Variants in STK3 observed in about 807,000 individuals in gnomAD.
STK3 encodes the protein serine/threonine-protein kinase 3.
A neutral mutation model predicts 58.0 loss-of-function variants in STK3; 41 were observed. That is an observed-to-expected ratio of 0.71 (90% CI 0.55 to 0.92). The LOEUF is 0.92. Ranked by LOEUF, STK3 falls within the 40% of genes least tolerant of loss-of-function variation. The pLI is 0.00. For synonymous variants in STK3, 170 were observed against 191.0 expected, an observed-to-expected ratio of 0.89 and a Z score of 0.91; for missense variants, 479 against 602.7, an observed-to-expected ratio of 0.79 and a Z score of 2.15.
intron 10 of STK3, among the ~76,000 whole-genome samples, chr8:98,515,286 G>A (rs533980329): frequency 6.6e-6 from 1 of 152,164 alleles, no homozygotes; most frequent in South Asian, 2.1e-4. Context: ...AGAAGCCTCA[G>A]CTTGGCAGTT....
intron 6 of STK3, among the ~76,000 whole-genome samples, chr8:98,603,990 T>C (rs537177599): frequency 6.6e-6 from 1 of 152,264 alleles, no homozygotes; most frequent in African/African-American, 2.4e-5. Flanking sequence ...AGGCCAAATG[T>C]AATCAGAAGG....
intron 3 of STK3, among the ~76,000 whole-genome samples, chr8:98,419,224 G>A (rs746192648): frequency 5.9e-5 from 9 of 152,192 alleles, no homozygotes; most frequent in Non-Finnish European, 2.9e-5. Flanking sequence ...AGCTGGGCGT[G>A]GTGGTGGGCA....
intron 3 of STK3, among the ~76,000 whole-genome samples, chr8:98,851,505 C>A (rs1390483944): frequency 6.6e-6 from 1 of 152,146 alleles, no homozygotes; most frequent in Non-Finnish European, 1.5e-5. Context: ...TTAATGTAAT[C>A]AACAATTAGC....
At chr8:98,485,122 T>A (rs1350566640) in intron 10 of STK3, among the ~76,000 whole-genome samples, 1 of 151,854 alleles carries the variant, frequency 6.6e-6, no homozygotes, top group Non-Finnish European at 1.5e-5. Context: ...ACACCTATAA[T>A]CCCAGCCACT....
chr8:98,811,725 A>T (rs2131679729), intron 1 of STK3, among the ~76,000 whole-genome samples: 1 of 152,338 alleles, frequency 6.6e-6, no homozygotes, highest in Non-Finnish European at 1.5e-5. Context: ...TTTCTAAATT[A>T]TACATTGAGG....
At chr8:98,552,470 C>T (rs1169316635) in intron 8 of STK3, among the ~76,000 whole-genome samples, 1 of 152,126 alleles carries the variant, frequency 6.6e-6, no homozygotes, top group Non-Finnish European at 1.5e-5. Context: ...GCTCACCAAG[C>T]TCTAACCAAG....
At chr8:98,695,379 T>C (rs901447297) in intron 6 of STK3, among the ~76,000 whole-genome samples, 9 of 152,318 alleles carry the variant, frequency 5.9e-5, no homozygotes, top group Non-Finnish European at 1.3e-4. Flanking sequence ...TTTTGGCTTT[T>C]GTTGCCATTG....
chr8:98,422,038 C>A (rs909178263), intron 3 of STK3, among the ~76,000 whole-genome samples: 2 of 152,120 alleles, frequency 1.3e-5, no homozygotes, highest in Middle Eastern at 3.2e-3. Flanking sequence ...TCAGACACAA[C>A]CACACCCTTC....
chr8:98,806,528 C>A lies in STK3; in HGVS notation c.26+18987G>T, dbSNP rs1001833218. ...GATTTCAGCAAAGTATACATGCTAA[C>A]TGAACAAAGACAAAAGTCACTGGAG... On this transcript the variant is annotated intron_variant, in intron 1 of 10. Coordinates refer to ENST00000419617, the MANE Select transcript of STK3 (RefSeq NM_006281.4). Among the ~76,000 whole-genome samples, 13 of 152,216 alleles carry A rather than the reference C, an allele frequency of 8.5e-5. No homozygotes were observed. In the East Asian group the frequency reaches 2.3e-3, roughly 27 times the overall value.
At chr8:98,382,737 G>A (rs142113478) in intron 1 of STK3, among the ~76,000 whole-genome samples, 7 of 152,152 alleles carry the variant, frequency 4.6e-5, no homozygotes, top group South Asian at 2.1e-4. Context: ...TGCCTGCACC[G>A]TCCACTCCAG....
chr8:98,783,205 T>A (rs1308902586), intron 1 of STK3, among the ~76,000 whole-genome samples: 1 of 152,178 alleles, frequency 6.6e-6, no homozygotes. Flanking sequence ...AACACAAAAA[T>A]GTTTGTTTTC....
intron 10 of STK3, among the ~76,000 whole-genome samples, chr8:98,515,461 C>T (rs1179436995): frequency 6.6e-6 from 1 of 152,152 alleles, no homozygotes; most frequent in East Asian, 1.9e-4. Context: ...CCTCGGCCTG[C>T]TCCATGTCTG....
At chr8:98,710,605 C>A (rs536950828) in intron 4 of STK3, among the ~76,000 whole-genome samples, 2 of 152,206 alleles carry the variant, frequency 1.3e-5, no homozygotes, top group East Asian at 3.8e-4. Flanking sequence ...GGGGCGCCTG[C>A]CATTGCCCAG....
At chr8:98,598,778 T>C (rs1038604824) in intron 6 of STK3, 2 of 985,288 alleles carry the variant, frequency 2.0e-6, no homozygotes, top group Admixed American at 6.1e-5. Context: ...GTTAGTAAAA[T>C]AAATGACATG....
chr8:98,803,530 C>G (rs569661966), intron 1 of STK3, among the ~76,000 whole-genome samples: 1 of 143,488 alleles, frequency 7.0e-6, no homozygotes, highest in East Asian at 2.1e-4. Context: ...GGAGGCGGAG[C>G]TTGCAGTGAG....
intron 1 of STK3, among the ~76,000 whole-genome samples, chr8:98,818,767 T>C (rs560640564): frequency 6.6e-6 from 1 of 152,318 alleles, no homozygotes; most frequent in East Asian, 1.9e-4. Context: ...TGATGTACTT[T>C]CAGAAATTCA....
chr8:98,712,612 AG>A (rs1826578973), intron 4 of STK3, among the ~76,000 whole-genome samples: 1 of 151,966 alleles, frequency 6.6e-6, no homozygotes, highest in South Asian at 2.1e-4. Context: ...CACCCAATAC[AG>A]GAGCACCCAG....
chr8:98,774,870 A>G (rs1831565279), intron 1 of STK3, 51 bp from the exon 2 acceptor site: 1 of 1,347,854 alleles, frequency 7.4e-7, no homozygotes, highest in Admixed American at 2.8e-5. Context: ...AAGACCTTTT[A>G]CAAAATTTTT....
At chr8:98,461,259 T>A (rs1819950758) in intron 10 of STK3, among the ~76,000 whole-genome samples, 1 of 152,172 alleles carries the variant, frequency 6.6e-6, no homozygotes, top group East Asian at 1.9e-4. Flanking sequence ...CTTTTTTTTT[T>A]ACTGATGTTG....
Sources: allele counts gnomAD v4.1 joint callset (sites outside exome capture counted in the v4.1 genomes callset), GRCh38; gene constraint gnomAD v4.1.1; transcripts MANE v1.5; gene names NCBI Gene and HGNC (gene_info 2026-07-23, HGNC 2026-07-21).